The following RNASET2 variants were observed in gnomAD, a reference collection of about 807,000 sequenced individuals.
RNASET2 encodes the protein ribonuclease T2.
A neutral mutation model predicts 33.9 loss-of-function variants in RNASET2; 28 were observed. That is an observed-to-expected ratio of 0.83 (90% confidence interval 0.61 to 1.13). RNASET2 has a LOEUF of 1.13. Among genes scored for constraint, RNASET2 ranks in the 50% most tolerant of loss-of-function variants. The pLI is 0.00. For synonymous variants in RNASET2, 123 were observed against 121.0 expected (o/e 1.02, Z -0.11); for missense variants, 330 against 319.9 (o/e 1.03, Z -0.24).
chr6:166,943,679 CTTTA>C (rs1435609118), intron 4 of RNASET2: 2 of 455,144 alleles, frequency 4.4e-6, no homozygotes, highest in Non-Finnish European at 4.5e-6. Flanking sequence ...TAATGCTAAA[CTTTA>C]TTTAATAATA....
rs577759868 is a variant in RNASET2, at chr6:166,942,974, C to T, written c.332+45G>A. ...TAGCGATTCATCACGCTCCCCACAC[C>T]CGCTCAGACAGTAATCAAGACAGCA... On this transcript the variant is annotated intron_variant, in intron 5 of 8. Transcript: ENST00000508775. 9 of 1,516,012 alleles carry T rather than the reference C, an allele frequency of 5.9e-6. No homozygotes were observed. The Admixed American group carries it at 1.4e-4, about 23-fold the overall frequency. The allele number at this position is 1,516,012 out of a possible 1,614,324, so 93.9% of individuals were successfully genotyped here.
chr6:166,937,826 A>G (rs1778603867), intron 6 of RNASET2, among the ~76,000 whole-genome samples: 1 of 152,206 alleles, frequency 6.6e-6, no homozygotes, highest in South Asian at 2.1e-4. Context: ...GTTTATTCAC[A>G]GGGCATTCTT....
intron 1 of RNASET2, among the ~76,000 whole-genome samples, chr6:166,954,685 T>C (rs1356853046): frequency 6.6e-6 from 1 of 152,258 alleles, no homozygotes; most frequent in African/African-American, 2.4e-5. Flanking sequence ...CATTTTAATG[T>C]ACATGATTAA....
chr6:166,955,467 T>C (rs1779141632), intron 1 of RNASET2: 11 of 985,790 alleles, frequency 1.1e-5, no homozygotes, highest in Non-Finnish European at 1.3e-5. Flanking sequence ...AACAGGATAC[T>C]CAAAAAGAGG....
rs1304794438 is a variant in RNASET2, at chr6:166,928,830, C to T, written c.*758G>A. ...AGGGTACCTCCGGTTCTGGAACACACAATGTAGGCACATTTCGCTGGGGGC... is the reference window on the plus strand; with the variant it reads ...AGGGTACCTCCGGTTCTGGAACACATAATGTAGGCACATTTCGCTGGGGGC... On this transcript the variant is annotated 3_prime_UTR_variant, in exon 9 of 9. Transcript: ENST00000508775. Among the ~76,000 whole-genome samples, 1 of 152,216 alleles carries T rather than the reference C, an allele frequency of 6.6e-6. No individual in the cohort carries two copies. The highest frequency in any genetic ancestry group is 2.4e-5 in the African/African-American group (1 of 41,458).
intron 4 of RNASET2, among the ~76,000 whole-genome samples, chr6:166,945,830 C>CA (rs770959298): frequency 0.048 from 3,487 of 72,214 alleles, 58 homozygotes; most frequent in Middle Eastern, 0.13. Flanking sequence ...AACTCTGTCT[C>CA]AAAAAAAAAA....
intron 2 of RNASET2, 52 bp downstream of exon 2, chr6:166,952,436 C>T: frequency 3.3e-6 from 5 of 1,530,922 alleles, no homozygotes; most frequent in Non-Finnish European, 4.5e-6. Flanking sequence ...ACACAAACCC[C>T]TCTTCACAGG....
intron 1 of RNASET2, among the ~76,000 whole-genome samples, chr6:166,955,251 ACACACGCACACACACACACG>A (rs1779097820): frequency 3.6e-5 from 4 of 110,770 alleles, no homozygotes; most frequent in African/African-American, 8.4e-5. Flanking sequence ...ACACACACGC[ACACACGCACACACACACACG>A]CGCACACACG....
intron 5 of RNASET2, among the ~76,000 whole-genome samples, chr6:166,942,707 G>C (rs1224060106): frequency 1.3e-5 from 2 of 152,172 alleles, no homozygotes; most frequent in East Asian, 3.8e-4. Flanking sequence ...CTCCCAAAGT[G>C]CTAGGATTAC....
chr6:166,937,989 A>C (rs1323369110), intron 6 of RNASET2, among the ~76,000 whole-genome samples: 1 of 152,238 alleles, frequency 6.6e-6, no homozygotes, highest in East Asian at 1.9e-4. Context: ...GAGGAGGCAA[A>C]GCACATGTCT....
intron 8 of RNASET2, among the ~76,000 whole-genome samples, chr6:166,930,241 C>G (rs1778386933): frequency 6.6e-6 from 1 of 152,246 alleles, no homozygotes; most frequent in South Asian, 2.1e-4. Flanking sequence ...AGCAAGAAGA[C>G]AAACCCTGTC....
Position 166,942,058 on chromosome 6 carries a change from CTT to C in RNASET2, c.332+959_332+960del, listed in dbSNP as rs61635852. 3.1e-5 allele frequency among the ~76,000 whole-genome samples: 4 copies of C among 127,250 alleles called. 1 individual carries two copies. Among genetic ancestry groups the C allele is most frequent in the African/African-American group, 1.2e-4 (4 of 32,548 alleles). The allele number at this position is 127,250 out of a possible 152,430, so 83.5% of individuals were successfully genotyped here. A position where few individuals can be genotyped will look rare whatever the true frequency, so the allele number is the denominator to read the frequency against. ...AGATCATCATTTTAGAAGACATCTT[CTT>C]TTTTTTTTTTGAGATGGAATCTTGC... On this transcript the variant is annotated intron_variant, in intron 5 of 8. Transcript: ENST00000508775.
Position 166,929,651 on chromosome 6 carries a change from C to T in RNASET2, c.708G>A (p.Arg236=). 1 of 1,614,060 alleles carries T rather than the reference C, an allele frequency of 6.2e-7. No homozygotes were observed. The highest frequency in any genetic ancestry group is 8.5e-7 in the Non-Finnish European group (1 of 1,179,998). The stretch of plus-strand genomic sequence containing the variant: ...GGCCATCTTCACAGACTCTCAGACC[C>T]CGGCTCTCGGCGGCCCCATTTGCCA... ...VWLANGAAES[R]GLRVCEDGPV... is the part of the protein sequence containing the mutation. Residue 236 remains arginine, a synonymous_variant, in exon 9 of 9, where the codon CGG becomes CGA. Transcript: ENST00000508775.
In RNASET2 at chr6:166,952,624, C is replaced by T. The variant is rs1036089084; in HGVS notation, c.87-76G>A. 9.0e-6 allele frequency: 10 copies of T among 1,112,220 alleles called. No homozygotes were observed. In the African/African-American group the frequency reaches 1.4e-4, roughly 15 times the overall value. The allele number at this position is 1,112,220 out of a possible 1,614,324, so 68.9% of individuals were successfully genotyped here. A position where few individuals can be genotyped will look rare whatever the true frequency, so the allele number is the denominator to read the frequency against. On this transcript the variant is annotated intron_variant, in intron 1 of 8. Transcript: ENST00000508775. ...GAAAAAATTCATCCACCCATCCATC[C>T]CTTCAATCATTCATTCAGCACTGAG...
intron 1 of RNASET2, chr6:166,955,847 C>T (rs1399444267): frequency 1.2e-6 from 1 of 850,576 alleles, no homozygotes; most frequent in Non-Finnish European, 1.4e-6. Flanking sequence ...CGCACTCCTT[C>T]CCAGAGGTCA....
intron 5 of RNASET2, among the ~76,000 whole-genome samples, chr6:166,941,680 G>T (rs1219614043): frequency 6.6e-6 from 1 of 152,018 alleles, no homozygotes; most frequent in African/African-American, 2.4e-5. Flanking sequence ...ATTTCATTTT[G>T]TTTTCAAAAG....
In RNASET2 at chr6:166,943,054, G is replaced by A. The variant is rs772187999; in HGVS notation, c.297C>T (p.Asp99=). The A allele has an allele frequency of 3.4e-5, 55 of 1,613,614 alleles. No individual in the cohort carries two copies. Among genetic ancestry groups the A allele is most frequent in the Middle Eastern group, 3.3e-4 (2 of 6,060 alleles). Residue 99 remains aspartate, a synonymous_variant, in exon 5 of 9, where the codon GAC becomes GAT. Coordinates refer to ENST00000508775, the MANE Select transcript of RNASET2 (RefSeq NM_003730.6). ...LLPEMRAYWP[D]VIHSFPNRSR... Reference sequence around the variant, plus strand: ...TGCGATTGGGAAACGAGTGAATTACGTCAGGCCAGTATGCCCTCATTTCTG... The same window carrying A: ...TGCGATTGGGAAACGAGTGAATTACATCAGGCCAGTATGCCCTCATTTCTG...
chr6:166,931,337 G>C, intron 7 of RNASET2: 1 of 588,846 alleles, frequency 1.7e-6, no homozygotes, highest in Non-Finnish European at 3.0e-6. Flanking sequence ...CGCTCGCTGC[G>C]GCTCTGTTTT....
Position 166,944,853 on chromosome 6 carries a change from C to T in RNASET2, c.262-1764G>A, listed in dbSNP as rs1040981612. On this transcript the variant is annotated intron_variant, in intron 4 of 8. Coordinates refer to ENST00000508775, the MANE Select transcript of RNASET2 (RefSeq NM_003730.6). Reference sequence around the variant, plus strand: ...TAACACGGGGCTCCACCAGCACTGTCCCCTCTGCCCACCAGGCCCACACCT... The same window carrying T: ...TAACACGGGGCTCCACCAGCACTGTTCCCTCTGCCCACCAGGCCCACACCT... 8.5e-5 allele frequency among the ~76,000 whole-genome samples: 13 copies of T among 152,098 alleles called. 1 individual carries two copies. The highest frequency in any genetic ancestry group is 1.6e-4 in the Non-Finnish European group (11 of 68,006).
Sources: gnomAD v4.1 joint callset for allele counts (sites outside exome capture counted in the v4.1 genomes callset) on GRCh38, gnomAD v4.1.1 for gene constraint, MANE v1.5 for transcripts, NCBI Gene and HGNC (gene_info 2026-07-23, HGNC 2026-07-21) for gene names.